OMA1: variants seen among roughly 807,000 people sequenced by gnomAD.
The protein encoded by OMA1 is metalloendopeptidase OMA1, mitochondrial.
Under a neutral mutation model 30.9 loss-of-function variants are expected in OMA1, and 38 were observed. The observed-to-expected ratio is 1.23, with a 90% CI of 0.95 to 1.61. The LOEUF is 1.61. Ranked by LOEUF, OMA1 falls within the 40% of genes most tolerant of loss-of-function variation. The pLI is 0.00. For missense variants in OMA1, 461 were observed against 349.2 expected (o/e 1.32, Z -2.55); for synonymous variants, 173 against 121.9 (o/e 1.42, Z -2.76).
Position 58,488,605 on chromosome 1 carries a change from C to T in OMA1, c.1366-7431G>A, listed in dbSNP as rs569569134. ...TAGCTGGGATTACAGGCATGAGCCACCATGTCTCGCTAATTTTTGTATTTT... is the reference window on the plus strand; with the variant it reads ...TAGCTGGGATTACAGGCATGAGCCATCATGTCTCGCTAATTTTTGTATTTT... On this transcript the variant is annotated intron_variant, in intron 8 of 8. Transcript: ENST00000371226. Among the ~76,000 whole-genome samples, 6 of 152,252 alleles carry T rather than the reference C, an allele frequency of 3.9e-5. No homozygotes were observed. In the East Asian group the frequency reaches 9.6e-4, roughly 24 times the overall value.
At chr1:58,508,899 C>CA (rs142677145) in intron 7 of OMA1, among the ~76,000 whole-genome samples, 17,648 of 152,050 alleles carry the variant, frequency 0.12, 1,217 homozygotes, top group African/African-American at 0.18. Context: ...GAGGGCTGTC[C>CA]AAGGGACTGG....
chr1:58,499,864 T>C (rs1164153679), intron 8 of OMA1, among the ~76,000 whole-genome samples: 4 of 152,020 alleles, frequency 2.6e-5, no homozygotes, highest in Non-Finnish European at 5.9e-5. Flanking sequence ...AAAGTATTTA[T>C]GAAACAACTG....
At chr1:58,519,033 A>G (rs111638257) in intron 7 of OMA1, among the ~76,000 whole-genome samples, 7 of 152,300 alleles carry the variant, frequency 4.6e-5, no homozygotes, top group African/African-American at 1.7e-4. Flanking sequence ...CATTATCTCT[A>G]CACTTATTGC....
At chr1:58,541,614 C>CGGTTTAAAAAAAAAAAAAAAAAAA (rs1646617217) in intron 1 of OMA1, 1 of 65,622 alleles carries the variant, frequency 1.5e-5, no homozygotes, top group East Asian at 7.0e-4. Flanking sequence ...GAGAACCTGT[C>CGGTTTAAAAAAAAAAAAAAAAAAA]AAAAAAAAAA....
intron 7 of OMA1, among the ~76,000 whole-genome samples, chr1:58,510,647 T>G (rs549935258): frequency 1.3e-5 from 2 of 151,586 alleles, no homozygotes; most frequent in Non-Finnish European, 2.9e-5. Context: ...GAGAAAGAAA[T>G]AAAAGGCATT....
At chr1:58,483,214 A>T (rs338225) in intron 8 of OMA1, among the ~76,000 whole-genome samples, 63,369 of 152,004 alleles carry the variant, frequency 0.42, 15,428 homozygotes, top group African/African-American at 0.68. Flanking sequence ...GCCTTGTGTG[A>T]ATGTGTTCAA....
intron 1 of OMA1, among the ~76,000 whole-genome samples, chr1:58,540,806 G>A (rs1393164575): frequency 6.8e-6 from 1 of 147,506 alleles, no homozygotes; most frequent in Non-Finnish European, 1.5e-5. Context: ...CGGGGAGGAG[G>A]TGTAGACAGA....
intron 8 of OMA1, among the ~76,000 whole-genome samples, chr1:58,496,169 C>CTTTTTTTTTTTTTTTTTTTTTTTT (rs375006213): frequency 1.4e-5 from 2 of 144,972 alleles, no homozygotes; most frequent in East Asian, 4.3e-4. Flanking sequence ...TTTTTTTAGA[C>CTTTTTTTTTTTTTTTTTTTTTTTT]TTTTTTTTTT....
At chr1:58,540,370 G>A (rs979691598) in intron 1 of OMA1, among the ~76,000 whole-genome samples, 32 of 151,478 alleles carry the variant, frequency 2.1e-4, no homozygotes, top group African/African-American at 7.3e-4. Flanking sequence ...CACCAAGCAT[G>A]CAAGCAGCAA....
At chr1:58,520,912 G>A (rs909403376) in intron 7 of OMA1, among the ~76,000 whole-genome samples, 1 of 152,014 alleles carries the variant, frequency 6.6e-6, no homozygotes, top group Non-Finnish European at 1.5e-5. Flanking sequence ...AAAAAAATCA[G>A]CAAGAATATA....
chr1:58,481,220 A>G (rs866676033), intron 8 of OMA1, 46 bp from the exon 9 acceptor site: 2 of 619,658 alleles, frequency 3.2e-6, no homozygotes, highest in Admixed American at 3.1e-5. Flanking sequence ...ATATACATCA[A>G]TGTATTCAGA....
intron 7 of OMA1, among the ~76,000 whole-genome samples, chr1:58,525,994 C>A (rs138676682): frequency 6.6e-6 from 1 of 151,944 alleles, no homozygotes; most frequent in East Asian, 1.9e-4. Context: ...TATTAGCTAT[C>A]CATAGGGGAA....
At chr1:58,485,170 A>T (rs1291289716) in intron 8 of OMA1, among the ~76,000 whole-genome samples, 1 of 142,500 alleles carries the variant, frequency 7.0e-6, no homozygotes, top group South Asian at 2.3e-4. Context: ...AAATCTCTAT[A>T]CCTTCTACTC....
intron 7 of OMA1, among the ~76,000 whole-genome samples, chr1:58,516,279 A>G (rs1184503802): frequency 1.3e-5 from 2 of 152,286 alleles, no homozygotes; most frequent in South Asian, 4.1e-4. Context: ...AACTTAAGAA[A>G]CTGTTACGAA....
Position 58,482,324 on chromosome 1 carries a change from C to T in OMA1, c.1366-1150G>A, listed in dbSNP as rs568768570. ...ACACAATGGGAAATACTAAAAGAAT[C>T]GTCCAATAGAATTGGAAATAGTTAC... On this transcript the variant is annotated intron_variant, in intron 8 of 8. Transcript: ENST00000371226. 5.9e-5 allele frequency among the ~76,000 whole-genome samples: 9 copies of T among 152,244 alleles called. No individual in the cohort carries two copies. In the South Asian group the frequency reaches 1.0e-3, roughly 18 times the overall value.
chr1:58,520,647 A>C (rs1362177894), intron 7 of OMA1, among the ~76,000 whole-genome samples: 1 of 152,174 alleles, frequency 6.6e-6, no homozygotes, highest in Non-Finnish European at 1.5e-5. Context: ...GCAAGCACTA[A>C]CTGAAAGAAA....
intron 7 of OMA1, among the ~76,000 whole-genome samples, chr1:58,519,040 T>C (rs1235840950): frequency 4.6e-5 from 7 of 152,182 alleles, no homozygotes; most frequent in Admixed American, 1.3e-4. Flanking sequence ...TCTACACTTA[T>C]TGCTCGCTTC....
In OMA1 at chr1:58,506,192, T is replaced by C. The variant is rs758053835; in HGVS notation, c.1233A>G (p.Arg411=). 4 of 870,924 alleles carry C rather than the reference T, an allele frequency of 4.6e-6. No individual in the cohort carries two copies. The Admixed American group carries it at 6.8e-5, about 15-fold the overall frequency. The allele number at this position is 870,924 out of a possible 1,614,324, so 53.9% of individuals were successfully genotyped here. A position where few individuals can be genotyped will look rare whatever the true frequency, so the allele number is the denominator to read the frequency against. The change falls in exon 8 of 9, where the codon AGA becomes AGG. Residue 411 remains arginine (R), a synonymous_variant. Coordinates refer to ENST00000371226, the MANE Select transcript of OMA1 (RefSeq NM_145243.5). ...LLAAKACADI[R]ASSVFWQQME... is the part of the protein sequence containing the mutation. ...TTTGCTGCCAAAACACTGAACTGGCTCTTATGTCTGCACAAGCCTAAAACC... is the reference window on the plus strand; with the variant it reads ...TTTGCTGCCAAAACACTGAACTGGCCCTTATGTCTGCACAAGCCTAAAACC...
chr1:58,485,585 T>C (rs1272661647), intron 8 of OMA1, among the ~76,000 whole-genome samples: 1 of 152,168 alleles, frequency 6.6e-6, no homozygotes, highest in Non-Finnish European at 1.5e-5. Flanking sequence ...CTATTGGATG[T>C]CTTGGTAACT....
Sources: gnomAD v4.1 joint callset for allele counts (sites outside exome capture counted in the v4.1 genomes callset) on GRCh38, gnomAD v4.1.1 for gene constraint, MANE v1.5 for transcripts, NCBI Gene and HGNC (gene_info 2026-07-23, HGNC 2026-07-21) for gene names.